ANO4: variants seen among roughly 807,000 people sequenced by gnomAD.
ANO4 encodes anoctamin 4.
In ANO4, 69 loss-of-function variants were observed where a neutral mutation model predicts 141.9. That is an observed-to-expected ratio of 0.49 (90% CI 0.40 to 0.59). The LOEUF (loss-of-function observed/expected upper bound fraction) is 0.59, where lower values mean the gene tolerates loss of function less well. Among genes scored for constraint, ANO4 ranks in the 20% least tolerant of loss-of-function variants. The pLI, the probability that ANO4 is intolerant of heterozygous loss-of-function variation, is 0.00. For synonymous variants in ANO4, 350 were observed against 394.3 expected, an observed-to-expected ratio of 0.89 and a Z score of 1.33; for missense variants, 894 against 1,162.2, an observed-to-expected ratio of 0.77 and a Z score of 3.36.
chr12:101,069,489 G>A (rs1221782009), intron 14 of ANO4, among the ~76,000 whole-genome samples: 1 of 152,190 alleles, frequency 6.6e-6, no homozygotes, highest in Non-Finnish European at 1.5e-5. Flanking sequence ...GAGTTCTCCT[G>A]TAGTATGTCT....
chr12:100,763,908 C>CA (rs1555214955), intron 3 of ANO4, among the ~76,000 whole-genome samples: 10 of 147,768 alleles, frequency 6.8e-5, no homozygotes, highest in African/African-American at 2.5e-4. Context: ...CTAGGAACCA[C>CA]TTTTTTTTTT....
intron 1 of ANO4, among the ~76,000 whole-genome samples, chr12:100,828,717 A>T (rs2036488473): frequency 6.6e-6 from 1 of 152,060 alleles, no homozygotes; most frequent in South Asian, 2.1e-4. Flanking sequence ...ATAGAAATAC[A>T]TATATGAATA....
At chr12:100,997,857 T>A (rs1202440355) in intron 8 of ANO4, among the ~76,000 whole-genome samples, 1 of 152,278 alleles carries the variant, frequency 6.6e-6, no homozygotes, top group East Asian at 1.9e-4. Context: ...CCTGGTAACC[T>A]CTTTATCACA....
intron 1 of ANO4, among the ~76,000 whole-genome samples, chr12:100,726,756 C>G (rs1339530548): frequency 6.6e-6 from 1 of 152,024 alleles, no homozygotes; most frequent in African/African-American, 2.4e-5. Flanking sequence ...TAAAGTGGCC[C>G]TGGTTAAAGG....
chr12:100,806,470 A>G (rs902687969), intron 1 of ANO4, among the ~76,000 whole-genome samples: 6 of 141,296 alleles, frequency 4.2e-5, no homozygotes, highest in Non-Finnish European at 7.6e-5. Context: ...TTGCAGGCCC[A>G]CTTTCAACTA....
At chr12:100,891,837 G>A (rs1416955624) in intron 1 of ANO4, among the ~76,000 whole-genome samples, 1 of 151,996 alleles carries the variant, frequency 6.6e-6, no homozygotes, top group Non-Finnish European at 1.5e-5. Context: ...CCACTATTTT[G>A]TATAATAGAT....
At chr12:101,104,661 ATATATATAT>A (rs2050365790) in intron 22 of ANO4, among the ~76,000 whole-genome samples, 1 of 61,358 alleles carries the variant, frequency 1.6e-5, no homozygotes, top group African/African-American at 1.2e-4. Context: ...ATATATATAT[ATATATATAT>A]AAATAAAAAG....
At chr12:101,004,283 A>G (rs1001804592) in intron 8 of ANO4, among the ~76,000 whole-genome samples, 2 of 152,098 alleles carry the variant, frequency 1.3e-5, no homozygotes, top group African/African-American at 4.8e-5. Context: ...CGGAACCAAG[A>G]TGCTCAGAGA....
At chr12:101,014,532 A>G (rs1036028219) in intron 8 of ANO4, among the ~76,000 whole-genome samples, 7 of 152,192 alleles carry the variant, frequency 4.6e-5, no homozygotes, top group Non-Finnish European at 1.0e-4. Context: ...CCCTTCACAC[A>G]CATGCACACA....
At chr12:100,844,157 A>G (rs1026839824) in intron 1 of ANO4, among the ~76,000 whole-genome samples, 1 of 152,170 alleles carries the variant, frequency 6.6e-6, no homozygotes, top group African/African-American at 2.4e-5. Flanking sequence ...AGAATAAGCC[A>G]GAAAGATAAT....
chr12:100,983,073 G>A (rs1283216765), intron 7 of ANO4, among the ~76,000 whole-genome samples: 2 of 152,198 alleles, frequency 1.3e-5, no homozygotes, highest in African/African-American at 2.4e-5. Context: ...ATTGAAGGGG[G>A]CCCTAAGTGA....
upstream of ANO4, among the ~76,000 whole-genome samples, chr12:100,717,336 G>A (rs1027831799): frequency 1.3e-5 from 2 of 151,520 alleles, no homozygotes; most frequent in African/African-American, 2.4e-5. Flanking sequence ...CAGCCCGGCC[G>A]GGGGCCCCCG....
intron 8 of ANO4, among the ~76,000 whole-genome samples, chr12:101,003,568 C>T (rs1246660724): frequency 6.6e-6 from 1 of 152,112 alleles, no homozygotes; most frequent in African/African-American, 2.4e-5. Context: ...AGGAATACCT[C>T]GTATTAATAT....
intron 8 of ANO4, among the ~76,000 whole-genome samples, chr12:100,997,118 G>C (rs368208253): frequency 1.3e-5 from 2 of 151,962 alleles, no homozygotes; most frequent in Non-Finnish European, 2.9e-5. Flanking sequence ...GGCGGATCAC[G>C]AGGTCAGCAG....
At chr12:101,091,813 G>T (rs1365128668) in intron 17 of ANO4, among the ~76,000 whole-genome samples, 3 of 151,792 alleles carry the variant, frequency 2.0e-5, no homozygotes, top group Non-Finnish European at 4.4e-5. Flanking sequence ...TGCTAGATTT[G>T]TCCAGTGCTA....
At position 100,773,542 on chromosome 12, in the gene ANO4, T is replaced by C. The variant is rs566958412; in HGVS notation, c.358+33437T>C. On this transcript the variant is annotated intron_variant, in intron 3 of 29. Transcript: ENST00000644049. ...CCAGGAATGTTGCAAGAGGAATTCC[T>C]ACATTGGGAAGGATCTTGTACTACA... is the stretch of plus-strand genomic sequence containing the variant. Among the ~76,000 whole-genome samples the C allele has an allele frequency of 7.2e-5, 11 of 152,280 alleles. No homozygotes were observed. In the South Asian group the frequency reaches 2.3e-3, roughly 32 times the overall value.
chr12:100,986,840 A>G (rs2044729058), intron 7 of ANO4, among the ~76,000 whole-genome samples: 1 of 152,206 alleles, frequency 6.6e-6, no homozygotes, highest in Non-Finnish European at 1.5e-5. Context: ...CCGAGGGACC[A>G]GGGAGATAGC....
intron 22 of ANO4, among the ~76,000 whole-genome samples, chr12:101,101,808 C>T (rs938724466): frequency 2.0e-5 from 3 of 152,040 alleles, no homozygotes; most frequent in Non-Finnish European, 4.4e-5. Flanking sequence ...ATTGACCAGG[C>T]GTGGTGGCTC....
chr12:100,836,138 G>A (rs908030775), intron 1 of ANO4, among the ~76,000 whole-genome samples: 2 of 152,102 alleles, frequency 1.3e-5, no homozygotes, highest in African/African-American at 2.4e-5. Flanking sequence ...TTGCATATAC[G>A]TTTTACTTCC....
Sources: allele counts gnomAD v4.1 joint callset (sites outside exome capture counted in the v4.1 genomes callset), GRCh38; gene constraint gnomAD v4.1.1; transcripts MANE v1.5; gene names NCBI Gene and HGNC (gene_info 2026-07-23, HGNC 2026-07-21).